NR3C1: variants seen among roughly 807,000 people sequenced by gnomAD.
NR3C1 encodes the protein glucocorticoid receptor.
NR3C1 carries 14 observed loss-of-function variants against 74.0 expected under a neutral mutation model. The observed-to-expected ratio is 0.19, with a 90% CI of 0.12 to 0.30. The LOEUF (loss-of-function observed/expected upper bound fraction) is 0.30, where lower values mean the gene tolerates loss of function less well. NR3C1 is among the 10% of genes least tolerant of loss of function. The pLI is 1.00. For missense variants in NR3C1, 695 were observed against 909.8 expected, an observed-to-expected ratio of 0.76 and a Z score of 3.04; for synonymous variants, 308 against 332.5, an observed-to-expected ratio of 0.93 and a Z score of 0.80.
At chr5:143,286,380 C>T (rs893738386) in intron 7 of NR3C1, among the ~76,000 whole-genome samples, 26 of 152,012 alleles carry the variant, frequency 1.7e-4, no homozygotes, top group Non-Finnish European at 3.8e-4. Flanking sequence ...ATGAATTCAG[C>T]TATATGTAAA....
At chr5:143,393,413 A>AC (rs1838645619) in intron 2 of NR3C1, among the ~76,000 whole-genome samples, 1 of 152,170 alleles carries the variant, frequency 6.6e-6, no homozygotes, top group South Asian at 2.1e-4. Flanking sequence ...TTTTGACTCC[A>AC]AAGTACCTAG....
chr5:143,345,248 T>C (rs1306290771), intron 2 of NR3C1, among the ~76,000 whole-genome samples: 1 of 152,190 alleles, frequency 6.6e-6, no homozygotes, highest in Non-Finnish European at 1.5e-5. Flanking sequence ...TCTAGCTCTG[T>C]CACCAGGCCG....
intron 2 of NR3C1, among the ~76,000 whole-genome samples, chr5:143,334,542 GGTTTAAT>G (rs1274992394): frequency 6.6e-6 from 1 of 151,984 alleles, no homozygotes; most frequent in Non-Finnish European, 1.5e-5. Flanking sequence ...TGTATCCTAG[GGTTTAAT>G]GTTGGTAAAT....
At chr5:143,394,569 T>C (rs1277019225) in intron 2 of NR3C1, among the ~76,000 whole-genome samples, 2 of 151,984 alleles carry the variant, frequency 1.3e-5, no homozygotes, top group East Asian at 1.9e-4. Flanking sequence ...TTTTCATTTA[T>C]TAAACAGCAG....
chr5:143,370,810 A>C (rs1357586954), intron 2 of NR3C1, among the ~76,000 whole-genome samples: 2 of 152,254 alleles, frequency 1.3e-5, no homozygotes, highest in African/African-American at 4.8e-5. Flanking sequence ...GAGGAAAAGA[A>C]AGTTTAAAGG....
chr5:143,344,375 T>C (rs1424229477), intron 2 of NR3C1, among the ~76,000 whole-genome samples: 28 of 152,164 alleles, frequency 1.8e-4, no homozygotes, highest in Admixed American at 1.8e-3. Flanking sequence ...TACTAATTAG[T>C]TATTATGGTC....
At chr5:143,333,498 G>A (rs1460194876) in intron 2 of NR3C1, among the ~76,000 whole-genome samples, 6 of 151,918 alleles carry the variant, frequency 3.9e-5, no homozygotes, top group Non-Finnish European at 8.8e-5. Flanking sequence ...GGCCGGGCGC[G>A]GTGGCTCACG....
At chr5:143,362,429 C>T (rs1561672267) in intron 2 of NR3C1, among the ~76,000 whole-genome samples, 2 of 148,960 alleles carry the variant, frequency 1.3e-5, no homozygotes, top group Admixed American at 6.7e-5. Context: ...AGTGTGATCT[C>T]GGCTCACGGC....
intron 2 of NR3C1, among the ~76,000 whole-genome samples, chr5:143,389,034 A>G (rs1837763293): frequency 6.6e-6 from 1 of 152,064 alleles, no homozygotes; most frequent in South Asian, 2.1e-4. Flanking sequence ...CCCTTTTCTT[A>G]TTCCAAATAG....
intron 2 of NR3C1, among the ~76,000 whole-genome samples, chr5:143,366,281 G>A (rs1833156812): frequency 6.6e-6 from 1 of 152,156 alleles, no homozygotes; most frequent in Non-Finnish European, 1.5e-5. Context: ...GGCCAAGGCA[G>A]GCAGATCACC....
At chr5:143,395,470 A>AT (rs746351367) in intron 2 of NR3C1, among the ~76,000 whole-genome samples, 44 of 152,028 alleles carry the variant, frequency 2.9e-4, no homozygotes, top group Non-Finnish European at 4.9e-4. Context: ...ACTCAGAAAT[A>AT]TGAAAACAAG....
intron 2 of NR3C1, among the ~76,000 whole-genome samples, chr5:143,364,177 A>G (rs1832781678): frequency 6.6e-6 from 1 of 152,220 alleles, no homozygotes; most frequent in African/African-American, 2.4e-5. Flanking sequence ...GTGATCCTCA[A>G]TAAGATTAAC....
At chr5:143,345,249 C>T (rs1829059074) in intron 2 of NR3C1, among the ~76,000 whole-genome samples, 1 of 152,204 alleles carries the variant, frequency 6.6e-6, no homozygotes, top group Non-Finnish European at 1.5e-5. Context: ...CTAGCTCTGT[C>T]ACCAGGCCGG....
chr5:143,281,119 C>CTTTTTTTTTTTTTTT lies in NR3C1; in HGVS notation c.*755_*769dup. The CTTTTTTTTTTTTTTT allele has an allele frequency of 8.3e-6, 1 of 120,042 alleles. No homozygotes were observed. Among genetic ancestry groups the CTTTTTTTTTTTTTTT allele is most frequent in the Non-Finnish European group, 1.7e-5 (1 of 58,102 alleles). The allele number at this position is 120,042 out of a possible 1,614,324, so 7.4% of individuals were successfully genotyped here. ...GAAGCAGATATATACAAAATATGAGCTTTTTTTTTTTTTTTTTTGACAAGA... is the reference window on the plus strand; with the variant it reads ...GAAGCAGATATATACAAAATATGAGCTTTTTTTTTTTTTTTTTTTTTTTTTTTTTTTTTGACAAGA... On this transcript the variant is annotated 3_prime_UTR_variant, in exon 9 of 9. Transcript: ENST00000394464.
intron 7 of NR3C1, among the ~76,000 whole-genome samples, chr5:143,284,572 C>T (rs1458084904): frequency 6.6e-6 from 1 of 151,828 alleles, no homozygotes; most frequent in African/African-American, 2.4e-5. Flanking sequence ...CCGGTTAGTC[C>T]TAATTCTAAA....
At chr5:143,317,486 G>C (rs1434744036) in intron 2 of NR3C1, among the ~76,000 whole-genome samples, 2 of 152,168 alleles carry the variant, frequency 1.3e-5, no homozygotes, top group African/African-American at 2.4e-5. Context: ...TAGGGTGCTT[G>C]CTTTTAAGTG....
intron 2 of NR3C1, among the ~76,000 whole-genome samples, chr5:143,370,283 A>G (rs774201647): frequency 2.6e-5 from 4 of 152,228 alleles, no homozygotes; most frequent in African/African-American, 9.6e-5. Context: ...GCACCTTGGA[A>G]TAGCAGCCAG....
intron 2 of NR3C1, among the ~76,000 whole-genome samples, chr5:143,349,601 G>C (rs1281758915): frequency 6.6e-6 from 1 of 152,140 alleles, no homozygotes; most frequent in East Asian, 1.9e-4. Context: ...CTTCTTCTAG[G>C]TTTTAACCTG....
intron 2 of NR3C1, among the ~76,000 whole-genome samples, chr5:143,392,773 TAC>T (rs1474848856): frequency 3.3e-5 from 5 of 152,168 alleles, no homozygotes; most frequent in African/African-American, 1.2e-4. Flanking sequence ...TAGAGAAGAA[TAC>T]AGACACTGTA....
Sources: gnomAD v4.1 joint callset for allele counts (sites outside exome capture counted in the v4.1 genomes callset) on GRCh38, gnomAD v4.1.1 for gene constraint, MANE v1.5 for transcripts, NCBI Gene and HGNC (gene_info 2026-07-23, HGNC 2026-07-21) for gene names.